Variants in BCL6 observed in about 807,000 individuals in gnomAD.
BCL6 encodes the protein B-cell lymphoma 6 protein.
BCL6 carries 7 observed loss-of-function variants against 59.5 expected under a neutral mutation model. The observed-to-expected ratio is 0.12, with a 90% CI of 0.07 to 0.22. The LOEUF (loss-of-function observed/expected upper bound fraction) is 0.22, where lower values mean the gene tolerates loss of function less well. Among genes scored for constraint, BCL6 ranks in the 10% least tolerant of loss-of-function variants. The pLI is 1.00. For synonymous variants in BCL6, 339 were observed against 349.7 expected, an observed-to-expected ratio of 0.97 and a Z score of 0.34; for missense variants, 685 against 939.4, an observed-to-expected ratio of 0.73 and a Z score of 3.54.
intron 9 of BCL6, among the ~76,000 whole-genome samples, chr3:187,723,392 T>C (rs574717829): frequency 1.3e-5 from 2 of 152,322 alleles, no homozygotes; most frequent in South Asian, 2.1e-4. Context: ...GAAAGGACAT[T>C]CTTAGATAAA....
In BCL6 at chr3:187,731,918, A is replaced by G; in HGVS notation, c.174T>C (p.Tyr58=). The G allele has an allele frequency of 6.2e-7, 1 of 1,613,800 alleles. No homozygotes were observed. ...TVLMACSGLF[Y]SIFTDQLKCN... ...ATTTCAACTGGTCTGTAAAGATGCT[A>G]TAGAACAGGCCACTGTAAAACAAAC... is the stretch of plus-strand genomic sequence containing the variant. The change falls in exon 4 of 10, where the codon TAT becomes TAC. Residue 58 remains tyrosine, a synonymous_variant. Transcript: ENST00000406870.
intron 6 of BCL6, among the ~76,000 whole-genome samples, chr3:187,727,705 T>G (rs990826458): frequency 2.6e-5 from 4 of 152,246 alleles, no homozygotes; most frequent in African/African-American, 9.6e-5. Context: ...ATTTATTTTT[T>G]CATTTGTTGT....
intron 1 of BCL6, among the ~76,000 whole-genome samples, chr3:187,744,570 A>C (rs530031958): frequency 6.6e-6 from 1 of 152,102 alleles, no homozygotes; most frequent in Admixed American, 6.6e-5. Context: ...ATCTGGATTT[A>C]TGACCAAAAA....
At chr3:187,741,819 C>T (rs1050044632) in intron 1 of BCL6, among the ~76,000 whole-genome samples, 2 of 152,334 alleles carry the variant, frequency 1.3e-5, no homozygotes, top group African/African-American at 2.4e-5. Context: ...ACAGCATTTC[C>T]AGCCACTATG....
At chr3:187,745,335 G>A (rs1003168406) in intron 1 of BCL6, 75 bp downstream of exon 1, 2 of 401,090 alleles carry the variant, frequency 5.0e-6, no homozygotes, top group South Asian at 1.2e-4. Flanking sequence ...CAGCGGCGGC[G>A]GCAGCGGCAC....
chr3:187,729,567 C>T lies in BCL6; in HGVS notation c.838G>A (p.Gly280Ser), dbSNP rs1210638938. Residue 280 changes from glycine (G) to serine (S), a missense_variant, in exon 5 of 10, where the codon GGC (glycine) becomes AGC (serine). Around this residue, in one of 7 missense-constraint regions of BCL6, gnomAD observed 268 missense variants for 263.8 expected, o/e 1.02. Coordinates refer to ENST00000406870, the MANE Select transcript of BCL6 (RefSeq NM_001706.5). This position sits in a 1 kb window ranked among gnomAD's most constrained non-coding sequence, Gnocchi z 5.6. ...GCTGAGGGGGCAGCAGGTTTGAGGC[C>T]CTCAGCCACACTGTAGTGCATATCA... ...RSDMHYSVAEGLKPAAPSARN... is the reference protein window; with the variant it reads ...RSDMHYSVAESLKPAAPSARN... 6.2e-7 allele frequency: 1 copy of T among 1,614,020 alleles called. No individual in the cohort carries two copies. The highest frequency in any genetic ancestry group is 1.7e-5 in the Admixed American group (1 of 60,026).
chr3:187,745,047 T>C (rs1407553711), intron 1 of BCL6, among the ~76,000 whole-genome samples: 3 of 151,160 alleles, frequency 2.0e-5, no homozygotes, highest in East Asian at 3.9e-4. Context: ...CTCCACCTCC[T>C]TTCCAAAAAC....
chr3:187,745,140 T>A (rs1711873266), intron 1 of BCL6, among the ~76,000 whole-genome samples: 6 of 151,964 alleles, frequency 3.9e-5, no homozygotes, highest in East Asian at 3.9e-4. Flanking sequence ...AATAAATACA[T>A]AACAATCTAT....
intron 1 of BCL6, among the ~76,000 whole-genome samples, chr3:187,743,140 A>G (rs899313689): frequency 6.6e-6 from 1 of 152,106 alleles, no homozygotes; most frequent in South Asian, 2.1e-4. Flanking sequence ...GTATTTCTAA[A>G]CAGCCCTTTC....
intron 9 of BCL6, chr3:187,724,647 G>A (rs1312423428): frequency 5.1e-6 from 2 of 392,220 alleles, no homozygotes; most frequent in Non-Finnish European, 9.4e-6. Context: ...AGTGAATCAA[G>A]TCTATGTATC....
intron 3 of BCL6, among the ~76,000 whole-genome samples, chr3:187,733,118 A>C (rs1370944334): frequency 6.6e-6 from 1 of 152,246 alleles, no homozygotes; most frequent in East Asian, 1.9e-4. Context: ...ATGGAAATTC[A>C]GTTGTAGCAA....
At chr3:187,744,610 TG>T (rs1488635845) in intron 1 of BCL6, among the ~76,000 whole-genome samples, 6 of 152,060 alleles carry the variant, frequency 3.9e-5, no homozygotes, top group Admixed American at 3.9e-4. Flanking sequence ...AGAGTTCGCT[TG>T]CATTTTTTCC....
At position 187,722,367 on chromosome 3, in the gene BCL6, A is replaced by T; in HGVS notation, c.*91T>A. The stretch of plus-strand genomic sequence containing the variant: ...TGCACTAGTGGATGAAAGAGGCACT[A>T]CATCATGGGATGAACATTGTAAAGT... On this transcript the variant is annotated 3_prime_UTR_variant, in exon 10 of 10. Coordinates refer to ENST00000406870, the MANE Select transcript of BCL6 (RefSeq NM_001706.5). The T allele has an allele frequency of 7.5e-7, 1 of 1,332,248 alleles. No homozygotes were observed. Among genetic ancestry groups the T allele is most frequent in the Non-Finnish European group, 9.8e-7 (1 of 1,016,686 alleles). 82.5% of individuals were successfully genotyped at this position (1,332,248 alleles called of 1,614,324 possible).
chr3:187,730,998 C>G (rs1719012785), intron 4 of BCL6, among the ~76,000 whole-genome samples: 1 of 152,140 alleles, frequency 6.6e-6, no homozygotes, highest in Non-Finnish European at 1.5e-5. Flanking sequence ...TGCAATCACC[C>G]TAGCATGGCT....
In BCL6 at chr3:187,733,568, C is replaced by G. The variant is rs1413816021; in HGVS notation, c.126G>C (p.Gln42His). The change falls in exon 3 of 10, where the codon CAG becomes CAC. Residue 42 changes from glutamine to histidine, a missense_variant. Gln to His is a conservative substitution (Grantham distance 24, BLOSUM62 0). Coordinates refer to ENST00000406870, the MANE Select transcript of BCL6 (RefSeq NM_001706.5). ...TGAGGACCGTTTTATGGGCTCTAAACTGCTCACGGCTCACAACAATGACAA... is the reference window on the plus strand; with the variant it reads ...TGAGGACCGTTTTATGGGCTCTAAAGTGCTCACGGCTCACAACAATGACAA... ...TDVVIVVSRE[Q>H]FRAHKTVLMA... 2 of 1,614,000 alleles carry G rather than the reference C, an allele frequency of 1.2e-6. No individual in the cohort carries two copies. Among genetic ancestry groups the G allele is most frequent in the Non-Finnish European group, 1.7e-6 (2 of 1,180,014 alleles).
In BCL6 at chr3:187,729,179, G is replaced by A. The variant is rs763470720; in HGVS notation, c.1226C>T (p.Thr409Met). The change falls in exon 5 of 10, where the codon ACG becomes ATG. Residue 409 changes from threonine (T) to methionine (M), a missense_variant. Transcript: ENST00000406870. The surrounding 1 kb of genome is among the most constrained non-coding windows in gnomAD (Gnocchi z 5.6). The stretch of plus-strand genomic sequence containing the variant: ...GGGTGGCTGGCAGGCAGGTGGGGCC[G>A]TGTAGGCTCGTGGGGAAAGGCGGCC... ...ELGRLSPRAY[T>M]APPACQPPME... is the part of the protein sequence containing the mutation. 8.2e-5 allele frequency: 132 copies of A among 1,613,260 alleles called. 1 individual carries two copies. The highest frequency in any genetic ancestry group is 6.8e-4 in the South Asian group (62 of 91,036).
chr3:187,721,966 A>ATT lies in BCL6; in HGVS notation c.*491_*492insAA, dbSNP rs1481620229. On this transcript the variant is annotated 3_prime_UTR_variant, in exon 10 of 10. Coordinates refer to ENST00000406870, the MANE Select transcript of BCL6 (RefSeq NM_001706.5). The surrounding 1 kb of genome is among the most constrained non-coding windows in gnomAD (Gnocchi z 4.2). The stretch of plus-strand genomic sequence containing the variant: ...GTTTATATATATTTATTTTATATAT[A>ATT]TATATATTTATATATTTACAACTCT... The ATT allele has an allele frequency of 5.5e-6, 1 of 181,882 alleles. No homozygotes were observed. The highest frequency in any genetic ancestry group is 1.1e-5 in the Non-Finnish European group (1 of 87,924). The allele number at this position is 181,882 out of a possible 1,614,324, so 11.3% of individuals were successfully genotyped here.
Position 187,729,327 on chromosome 3 carries a change from C to G in BCL6, c.1078G>C (p.Gly360Arg). The G allele has an allele frequency of 6.2e-7, 1 of 1,614,062 alleles. No individual in the cohort carries two copies. Among genetic ancestry groups the G allele is most frequent in the Non-Finnish European group, 8.5e-7 (1 of 1,180,032 alleles). ...SKNACILQAS[G>R]SPPAKSPTDP... ...GTGGGGCTCTTGGCTGGAGGGGAGC[C>G]AGAAGCCTGGAGGATGCAGGCATTC... Residue 360 changes from glycine to arginine, a missense_variant, in exon 5 of 10, where the codon GGC (glycine) becomes CGC (arginine). Physicochemically the swap from Gly to Arg is moderately radical, Grantham distance 125. Around this residue, in one of 7 missense-constraint regions of BCL6, gnomAD observed 28 missense variants for 66.4 expected, o/e 0.42. Transcript: ENST00000406870. This position sits in a 1 kb window ranked among gnomAD's most constrained non-coding sequence, Gnocchi z 5.6.
In BCL6 at chr3:187,722,497, T is replaced by C. The variant is rs146998695; in HGVS notation, c.2082A>G (p.Ser694=). The change falls in exon 10 of 10, where the codon TCA becomes TCG. Residue 694 remains serine (S), a synonymous_variant. Coordinates refer to ENST00000406870, the MANE Select transcript of BCL6 (RefSeq NM_001706.5). The stretch of plus-strand genomic sequence containing the variant: ...GGAGCTCCGGAGGCAGGTCAGTGGC[T>C]GACACGCGGTATTGCACCTTGGTGT... ...ITNTKVQYRV[S]ATDLPPELPK... is the part of the protein sequence containing the mutation. The C allele has an allele frequency of 3.3e-4, 528 of 1,613,794 alleles. 1 individual carries two copies. The African/African-American group carries it at 6.1e-3, about 19-fold the overall frequency.
Sources: allele counts gnomAD v4.1 joint callset (sites outside exome capture counted in the v4.1 genomes callset), GRCh38; gene constraint gnomAD v4.1.1; regional missense constraint gnomAD v4.1.1; non-coding constraint Gnocchi (gnomAD v3.1); transcripts MANE v1.5; gene names NCBI Gene and HGNC (gene_info 2026-07-23, HGNC 2026-07-21).